CACNA1E: variants seen among roughly 807,000 people sequenced by gnomAD.
CACNA1E encodes the protein calcium voltage-gated channel subunit alpha1 E.
A neutral mutation model predicts 259.2 loss-of-function variants in CACNA1E; 40 were observed. The ratio of observed to expected loss-of-function variants is 0.15; its 90% CI spans 0.12 to 0.20. CACNA1E has a LOEUF of 0.20. Ranked by LOEUF, CACNA1E falls within the 10% of genes least tolerant of loss-of-function variation. The pLI, the probability that CACNA1E is intolerant of heterozygous loss-of-function variation, is 1.00. For synonymous variants in CACNA1E, 1,104 were observed against 1,138.5 expected, an observed-to-expected ratio of 0.97 and a Z score of 0.61; for missense variants, 1,874 against 3,040.1, an observed-to-expected ratio of 0.62 and a Z score of 9.02.
chr1:181,485,584 C>G lies in CACNA1E; in HGVS notation c.266+1574C>G, dbSNP rs1663733327. Among the ~76,000 whole-genome samples the G allele has an allele frequency of 6.6e-6, 1 of 152,180 alleles. No homozygotes were observed. Among genetic ancestry groups the G allele is most frequent in the South Asian group, 2.1e-4 (1 of 4,832 alleles). ...CAGGCCATCCATTGCCTGAGTTGAA[C>G]GTATCTAGCTAGGGTGGAGGTTTCG... On this transcript the variant is annotated intron_variant, in intron 1 of 47. Transcript: ENST00000367573. This position sits in a 1 kb window ranked among gnomAD's most constrained non-coding sequence, Gnocchi z 4.2.
Position 181,771,345 on chromosome 1 carries a change from A to G in CACNA1E, c.4934A>G (p.Asn1645Ser). The change falls in exon 36 of 48, where the codon AAC (asparagine) becomes AGC (serine). Residue 1645 changes from asparagine (N) to serine (S), a missense_variant. Transcript: ENST00000367573. The stretch of plus-strand genomic sequence containing the variant: ...GAGAGTCACATCAACCGGCACAACA[A>G]CTTCCGGAGTTTCTTTGGGTCCCTA... Reference protein sequence around the residue: ...DEESHINRHNNFRSFFGSLML... With the variant: ...DEESHINRHNSFRSFFGSLML... 1 of 1,603,944 alleles carries G rather than the reference A, an allele frequency of 6.2e-7. No individual in the cohort carries two copies. Among genetic ancestry groups the G allele is most frequent in the Non-Finnish European group, 8.5e-7 (1 of 1,173,830 alleles).
intron 7 of CACNA1E, chr1:181,668,673 A>G (rs1458386599): frequency 6.6e-6 from 1 of 152,198 alleles, no homozygotes; most frequent in Non-Finnish European, 1.5e-5. Context: ...ATTAAATAAT[A>G]TACAATGAAC....
intron 6 of CACNA1E, among the ~76,000 whole-genome samples, chr1:181,610,698 C>T (rs1654680110): frequency 6.6e-6 from 1 of 152,012 alleles, no homozygotes; most frequent in Non-Finnish European, 1.5e-5. Flanking sequence ...TCAAGAAATC[C>T]CTGTTTGCAT....
At chr1:181,462,895 C>T (rs977732566) in intron 2 of CACNA1E, among the ~76,000 whole-genome samples, 9 of 152,116 alleles carry the variant, frequency 5.9e-5, no homozygotes, top group Non-Finnish European at 1.3e-4. Flanking sequence ...GTTCTTAATT[C>T]GCTTCCCTTC....
intron 14 of CACNA1E, among the ~76,000 whole-genome samples, 200 bp downstream of exon 14, chr1:181,720,537 CG>C (rs1437760585): frequency 6.6e-6 from 1 of 152,100 alleles, no homozygotes; most frequent in African/African-American, 2.4e-5. Context: ...GTTCTCATTC[CG>C]GGGACCCATC....
In CACNA1E at chr1:181,465,511, A is replaced by AT. The variant is rs576641045; in HGVS notation, c.435-18229dup. ...TTCCATGTCTGTTAACTTTAATCAT[A>AT]TTTTCTCTATTTTTATCTCCCTGGG... On this transcript the variant is annotated intron_variant, in intron 2 of 11. Coordinates refer to the CACNA1E transcript ENST00000524607. 2.1e-3 allele frequency among the ~76,000 whole-genome samples: 315 copies of AT among 151,576 alleles called. 3 individuals are homozygous for AT. The highest frequency in any genetic ancestry group is 3.3e-3 in the Non-Finnish European group (222 of 67,838).
intron 21 of CACNA1E, among the ~76,000 whole-genome samples, chr1:181,735,672 C>A (rs1437652682): frequency 6.6e-6 from 1 of 152,208 alleles, no homozygotes; most frequent in Non-Finnish European, 1.5e-5. Flanking sequence ...TCTACATTAA[C>A]CATGGCCGAG....
In CACNA1E at chr1:181,592,895, C is replaced by G. The variant is rs985266272; in HGVS notation, c.951+12119C>G. On this transcript the variant is annotated intron_variant, in intron 6 of 47. Coordinates refer to ENST00000367573, the MANE Select transcript of CACNA1E (RefSeq NM_001205293.3). ...TTTTACAAGGTACATTTTTTTTAAC[C>G]TTTTGTTCACATCAAAGCTTGGGCT... Among the ~76,000 whole-genome samples the G allele has an allele frequency of 2.0e-5, 3 of 151,920 alleles. No homozygotes were observed. The East Asian group carries it at 5.8e-4, about 29-fold the overall frequency.
Position 181,732,494 on chromosome 1 carries a change from C to G in CACNA1E, c.2408C>G (p.Pro803Arg). ...SQEALNREEA[P>R]TMNPLNPLNP... ...GAGGCCCTCAACAGAGAGGAGGCGC[C>G]GACCATGAACCCGCTCAACCCCCTC... The change falls in exon 20 of 48, where the codon CCG (proline) becomes CGG (arginine). Residue 803 changes from proline to arginine, a missense_variant. Pro to Arg is a moderately radical substitution (Grantham distance 103). Around this residue, in one of 14 missense-constraint regions of CACNA1E, gnomAD observed 476 missense variants for 514.0 expected, o/e 0.93. Coordinates refer to ENST00000367573, the MANE Select transcript of CACNA1E (RefSeq NM_001205293.3). This position sits in a 1 kb window ranked among gnomAD's most constrained non-coding sequence, Gnocchi z 5.5. 1 of 1,551,590 alleles carries G rather than the reference C, an allele frequency of 6.4e-7. No homozygotes were observed. Among genetic ancestry groups the G allele is most frequent in the South Asian group, 1.2e-5 (1 of 84,060 alleles).
At chr1:181,717,881 C>G (rs1030669165) in intron 11 of CACNA1E, among the ~76,000 whole-genome samples, 174 bp from the exon 12 acceptor site, 1 of 152,184 alleles carries the variant, frequency 6.6e-6, no homozygotes, top group Non-Finnish European at 1.5e-5. Context: ...GGGACTCGGC[C>G]TGGGTCAGAG....
intron 6 of CACNA1E, among the ~76,000 whole-genome samples, chr1:181,646,892 T>C (rs1263023746): frequency 1.3e-5 from 2 of 152,224 alleles, no homozygotes; most frequent in African/African-American, 4.8e-5. Context: ...ATTCCCACAA[T>C]GTCAGGACTG....
In CACNA1E at chr1:181,610,577, A is replaced by G. The variant is rs1434545168; in HGVS notation, c.951+29801A>G. 3.3e-5 allele frequency among the ~76,000 whole-genome samples: 5 copies of G among 152,236 alleles called. No homozygotes were observed. In the East Asian group the frequency reaches 7.7e-4, roughly 23 times the overall value. The stretch of plus-strand genomic sequence containing the variant: ...GATCCAAACATTGTTTCTTATGCTT[A>G]AGTTTGTTGAAAAATTTGAAATCAG... On this transcript the variant is annotated intron_variant, in intron 6 of 47. Coordinates refer to ENST00000367573, the MANE Select transcript of CACNA1E (RefSeq NM_001205293.3).
intron 15 of CACNA1E, 106 bp downstream of exon 15, chr1:181,720,961 T>G (rs1654362990): frequency 1.3e-6 from 1 of 749,186 alleles, no homozygotes; most frequent in Non-Finnish European, 2.3e-6. Flanking sequence ...CTTTCCAGGC[T>G]CCTCCCAGGG....
At chr1:181,645,863 C>T (rs1190235250) in intron 6 of CACNA1E, among the ~76,000 whole-genome samples, 1 of 152,228 alleles carries the variant, frequency 6.6e-6, no homozygotes, top group African/African-American at 2.4e-5. Context: ...GGCATTTCAG[C>T]TCCAAGACAT....
chr1:181,585,069 G>A (rs930370810), intron 6 of CACNA1E, among the ~76,000 whole-genome samples: 3 of 152,062 alleles, frequency 2.0e-5, no homozygotes, highest in Non-Finnish European at 2.9e-5. Context: ...GTCCTTGCAT[G>A]AGTCTGGGAT....
At position 181,535,689 on chromosome 1, in the gene CACNA1E, C is replaced by CT. The variant is rs759161338; in HGVS notation, c.512+24194dup. ...GCTTCCAATATCAACATGATTATTT[C>CT]TTTTTTTTTTTTTTTCGAGACAGAT... is the stretch of plus-strand genomic sequence containing the variant. On this transcript the variant is annotated intron_variant, in intron 3 of 47. Coordinates refer to ENST00000367573, the MANE Select transcript of CACNA1E (RefSeq NM_001205293.3). 2.8e-3 allele frequency among the ~76,000 whole-genome samples: 388 copies of CT among 138,774 alleles called. 2 individuals are homozygous for CT. The highest frequency in any genetic ancestry group is 6.2e-3 in the East Asian group (30 of 4,856). 91.0% of individuals were successfully genotyped at this position (138,774 alleles called of 152,430 possible). A position where few individuals can be genotyped will look rare whatever the true frequency, so the allele number is the denominator to read the frequency against.
chr1:181,732,857 G>A lies in CACNA1E; in HGVS notation c.2771G>A (p.Arg924His), dbSNP rs764081616. The A allele has an allele frequency of 1.7e-5, 27 of 1,613,764 alleles. No homozygotes were observed. Among genetic ancestry groups the A allele is most frequent in the African/African-American group, 4.0e-5 (3 of 74,942 alleles). ...CAGAGCCAACGGCGCAGCCGGCATC[G>A]CCGCGTCAGGACAGAAGGCAAGGAG... ...HRQSQRRSRH[R>H]RVRTEGKESS... is the part of the protein sequence containing the mutation. Residue 924 changes from arginine to histidine, a missense_variant, in exon 20 of 48, where the codon CGC becomes CAC. Arg to His is a conservative substitution (Grantham distance 29, BLOSUM62 0). Coordinates refer to ENST00000367573, the MANE Select transcript of CACNA1E (RefSeq NM_001205293.3). The surrounding 1 kb of genome is among the most constrained non-coding windows in gnomAD (Gnocchi z 5.5).
intron 6 of CACNA1E, among the ~76,000 whole-genome samples, chr1:181,631,603 A>G (rs1177340127): frequency 6.6e-6 from 1 of 152,158 alleles, no homozygotes; most frequent in East Asian, 1.9e-4. Flanking sequence ...GCGTTGTTGC[A>G]GTATGGCTGG....
intron 15 of CACNA1E, among the ~76,000 whole-genome samples, chr1:181,721,343 C>T (rs1654394055): frequency 1.3e-5 from 2 of 152,208 alleles, no homozygotes; most frequent in Admixed American, 6.5e-5. Context: ...TGAGGTTGGA[C>T]CACAACCCGT....
Sources: allele counts gnomAD v4.1 joint callset (sites outside exome capture counted in the v4.1 genomes callset), GRCh38; gene constraint gnomAD v4.1.1; regional missense constraint gnomAD v4.1.1; non-coding constraint Gnocchi (gnomAD v3.1); transcripts MANE v1.5; gene names NCBI Gene and HGNC (gene_info 2026-07-23, HGNC 2026-07-21).